Variants in SH3RF1 observed in about 807,000 individuals in gnomAD.
SH3RF1 encodes E3 ubiquitin-protein ligase SH3RF1.
SH3RF1 carries 32 observed loss-of-function variants against 74.0 expected under a neutral mutation model. That is an observed-to-expected ratio of 0.43 (90% confidence interval 0.33 to 0.58). The LOEUF (loss-of-function observed/expected upper bound fraction) is 0.58. Ranked by LOEUF, SH3RF1 falls within the 20% of genes least tolerant of loss-of-function variation. The probability of loss-of-function intolerance (pLI) is 0.05; values close to 1 mark genes in which losing one functional copy is unlikely to be tolerated. For missense variants in SH3RF1, 954 were observed against 1,130.9 expected (o/e 0.84, Z 2.24); for synonymous variants, 396 against 439.6 (o/e 0.90, Z 1.24).
chr4:169,165,252 G>C (rs1734216225), intron 2 of SH3RF1, among the ~76,000 whole-genome samples: 1 of 151,456 alleles, frequency 6.6e-6, no homozygotes, highest in Non-Finnish European at 1.5e-5. Flanking sequence ...GGGGTGTAGA[G>C]CTAAATAGGG....
chr4:169,130,113 C>A lies in SH3RF1; in HGVS notation c.1112G>T (p.Ser371Ile). The A allele has an allele frequency of 1.9e-6, 3 of 1,608,192 alleles. No individual in the cohort carries two copies. Among genetic ancestry groups the A allele is most frequent in the South Asian group, 2.2e-5 (2 of 90,262 alleles). The change falls in exon 6 of 12, where the codon AGC becomes ATC. Residue 371 changes from serine to isoleucine, a missense_variant. Around this residue, in one of 3 missense-constraint regions of SH3RF1, gnomAD observed 854 missense variants for 962.5 expected, o/e 0.89. Coordinates refer to ENST00000284637, the MANE Select transcript of SH3RF1 (RefSeq NM_020870.4). The stretch of plus-strand genomic sequence containing the variant: ...CGAGGGGCCAGTTGTCACTGGGCTG[C>A]TTGGGGGCGGGGTCACAATTAACCC... ...TTGLIVTPPP[S>I]SPVTTGPSFT...
intron 4 of SH3RF1, among the ~76,000 whole-genome samples, chr4:169,151,764 T>G (rs1392970993): frequency 2.0e-5 from 3 of 152,182 alleles, no homozygotes; most frequent in African/African-American, 4.8e-5. Context: ...TTTTTGGTGT[T>G]GAAAAACTGA....
intron 2 of SH3RF1, among the ~76,000 whole-genome samples, chr4:169,231,064 C>T (rs1730730790): frequency 1.3e-5 from 2 of 152,118 alleles, no homozygotes; most frequent in Admixed American, 1.3e-4. Context: ...CTTCCCAGAG[C>T]CCAAGTTTCT....
chr4:169,250,276 A>G (rs763441406), intron 2 of SH3RF1, among the ~76,000 whole-genome samples: 1 of 152,068 alleles, frequency 6.6e-6, no homozygotes, highest in African/African-American at 2.4e-5. Context: ...AAAAACAGAG[A>G]TGCTGCTATG....
intron 2 of SH3RF1, among the ~76,000 whole-genome samples, chr4:169,249,749 C>T (rs1443611633): frequency 6.6e-6 from 1 of 152,152 alleles, no homozygotes; most frequent in Non-Finnish European, 1.5e-5. Context: ...TAGGAGGAAG[C>T]AAGTGCAGAT....
chr4:169,118,273 T>C (rs1275440439), intron 8 of SH3RF1, among the ~76,000 whole-genome samples: 8 of 152,188 alleles, frequency 5.3e-5, no homozygotes, highest in Non-Finnish European at 1.2e-4. Context: ...TCTTGACATA[T>C]TGTAATCTCA....
At chr4:169,178,210 C>A (rs568553088) in intron 2 of SH3RF1, among the ~76,000 whole-genome samples, 3 of 140,564 alleles carry the variant, frequency 2.1e-5, no homozygotes, top group African/African-American at 8.0e-5. Context: ...CAGCATGCTC[C>A]AGCCTGGGAG....
rs1311769387 is a variant in SH3RF1, at chr4:169,146,110, A to G, written c.765+9370T>C. 9.5e-5 allele frequency among the ~76,000 whole-genome samples: 12 copies of G among 126,448 alleles called. 2 individuals are homozygous for G. Among genetic ancestry groups the G allele is most frequent in the African/African-American group, 3.9e-4 (12 of 30,496 alleles). 83.0% of individuals were successfully genotyped at this position (126,448 alleles called of 152,430 possible). On this transcript the variant is annotated intron_variant, in intron 4 of 11. Coordinates refer to ENST00000284637, the MANE Select transcript of SH3RF1 (RefSeq NM_020870.4). The stretch of plus-strand genomic sequence containing the variant: ...CTATATATTCTATATAAAATGTTAT[A>G]TATTCTATATATTCTATATATTATA...
At chr4:169,232,242 A>G (rs1275403171) in intron 2 of SH3RF1, among the ~76,000 whole-genome samples, 1 of 152,222 alleles carries the variant, frequency 6.6e-6, no homozygotes, top group Non-Finnish European at 1.5e-5. Context: ...GGAATTTTAA[A>G]AGGGAATGAT....
intron 5 of SH3RF1, among the ~76,000 whole-genome samples, chr4:169,132,868 TACAGACACTCATGTCACAGTC>T (rs1318013702): frequency 6.6e-6 from 1 of 152,220 alleles, no homozygotes; most frequent in Non-Finnish European, 1.5e-5. Context: ...CATGTGCTTT[TACAGACACTCATGTCACAGTC>T]ACAGACACTC....
At chr4:169,178,281 T>TAAATAAGCAACTATGCTTATTTACAA (rs1734453960) in intron 2 of SH3RF1, among the ~76,000 whole-genome samples, 1 of 114,022 alleles carries the variant, frequency 8.8e-6, no homozygotes, top group Non-Finnish European at 1.8e-5. Context: ...AATTTTTTTT[T>TAAATAAGCAACTATGCTTATTTACAA]AAATAAGCAA....
intron 2 of SH3RF1, among the ~76,000 whole-genome samples, chr4:169,171,996 T>G (rs1314371679): frequency 1.3e-5 from 2 of 152,240 alleles, no homozygotes; most frequent in African/African-American, 4.8e-5. Context: ...GGGAATTAAT[T>G]ACAGCTACAG....
At chr4:169,162,229 A>G (rs1417854948) in intron 2 of SH3RF1, among the ~76,000 whole-genome samples, 1 of 152,238 alleles carries the variant, frequency 6.6e-6, no homozygotes, top group African/African-American at 2.4e-5. Context: ...CTACAAAGTA[A>G]AATATCTGTC....
intron 4 of SH3RF1, among the ~76,000 whole-genome samples, chr4:169,140,811 T>C (rs1209407219): frequency 6.6e-6 from 1 of 152,136 alleles, no homozygotes; most frequent in Non-Finnish European, 1.5e-5. Context: ...AATCAGTCTG[T>C]AGCTTCTGAG....
chr4:169,097,130 A>G lies in SH3RF1; in HGVS notation c.2499-443T>C, dbSNP rs186233879. Among the ~76,000 whole-genome samples, 3 of 152,316 alleles carry G rather than the reference A, an allele frequency of 2.0e-5. No individual in the cohort carries two copies. In the East Asian group the frequency reaches 5.8e-4, roughly 29 times the overall value. On this transcript the variant is annotated intron_variant, in intron 11 of 11. Coordinates refer to ENST00000284637, the MANE Select transcript of SH3RF1 (RefSeq NM_020870.4). ...AGTCCTCTCTGAACCGCCTGCCCACAGGCTAAGGAGGCTCTGCTCCACCTC... is the reference window on the plus strand; with the variant it reads ...AGTCCTCTCTGAACCGCCTGCCCACGGGCTAAGGAGGCTCTGCTCCACCTC...
chr4:169,109,197 G>A (rs948899373), intron 10 of SH3RF1, among the ~76,000 whole-genome samples: 1 of 152,112 alleles, frequency 6.6e-6, no homozygotes, highest in Non-Finnish European at 1.5e-5. Context: ...ACTAGTCCAC[G>A]GACCCCCAAA....
chr4:169,232,895 A>G (rs1730765915), intron 2 of SH3RF1, among the ~76,000 whole-genome samples: 1 of 152,148 alleles, frequency 6.6e-6, no homozygotes, highest in Admixed American at 6.5e-5. Context: ...TAGTCTACTG[A>G]TCGGTAGTGT....
intron 4 of SH3RF1, among the ~76,000 whole-genome samples, chr4:169,137,701 A>C (rs2126954947): frequency 6.6e-6 from 1 of 152,296 alleles, no homozygotes; most frequent in East Asian, 1.9e-4. Context: ...CCTGTTGATA[A>C]GATCACTCTA....
chr4:169,203,360 G>A (rs926793019), intron 2 of SH3RF1, among the ~76,000 whole-genome samples: 5 of 152,076 alleles, frequency 3.3e-5, no homozygotes, highest in Non-Finnish European at 7.4e-5. Context: ...AGACCAGCCT[G>A]GGCAACATGG....
Sources: allele counts gnomAD v4.1 joint callset (sites outside exome capture counted in the v4.1 genomes callset), GRCh38; gene constraint gnomAD v4.1.1; regional missense constraint gnomAD v4.1.1; transcripts MANE v1.5; gene names NCBI Gene and HGNC (gene_info 2026-07-23, HGNC 2026-07-21).